The following NTRK2 variants were observed in gnomAD, a reference collection of about 807,000 sequenced individuals.
NTRK2 encodes the protein neurotrophic receptor tyrosine kinase 2, also known as BDNF/NT-3 growth factors receptor.
NTRK2 carries 13 observed loss-of-function variants against 94.5 expected under a neutral mutation model. The ratio of observed to expected loss-of-function variants is 0.14; its 90% confidence interval spans 0.09 to 0.22. The LOEUF is 0.22. Among genes scored for constraint, NTRK2 ranks in the 10% least tolerant of loss-of-function variants. The pLI, the probability that NTRK2 is intolerant of heterozygous loss-of-function variation, is 1.00. For missense variants in NTRK2, 639 were observed against 1,071.2 expected (o/e 0.60, Z 5.63); for synonymous variants, 372 against 407.4 (o/e 0.91, Z 1.05).
intron 17 of NTRK2, among the ~76,000 whole-genome samples, chr9:84,957,942 A>T (rs1049595047): frequency 6.6e-6 from 1 of 152,236 alleles, no homozygotes; most frequent in African/African-American, 2.4e-5. Context: ...TCATGCTGCA[A>T]CACAGATAAA....
chr9:85,008,472 G>A (rs1448193938), intron 17 of NTRK2, among the ~76,000 whole-genome samples: 3 of 151,582 alleles, frequency 2.0e-5, no homozygotes, highest in African/African-American at 7.2e-5. Flanking sequence ...GTGTTGAAAT[G>A]GACTGAAATA....
At chr9:84,967,293 C>T (rs984383247) in intron 17 of NTRK2, among the ~76,000 whole-genome samples, 1 of 152,220 alleles carries the variant, frequency 6.6e-6, no homozygotes, top group Non-Finnish European at 1.5e-5. Context: ...CCACAAGGAG[C>T]TGGGGCTCCC....
chr9:84,838,579 G>A lies in NTRK2; in HGVS notation c.1397-22461G>A, dbSNP rs184464733. ...TTTTATTTTCTTCTTTATACTTACC[G>A]CATTTTCCAAATTTTCTACAAAAAG... is the stretch of plus-strand genomic sequence containing the variant. On this transcript the variant is annotated intron_variant, in intron 12 of 18. Coordinates refer to ENST00000277120, the MANE Select transcript of NTRK2 (RefSeq NM_006180.6). 7.9e-5 allele frequency among the ~76,000 whole-genome samples: 12 copies of A among 151,938 alleles called. No homozygotes were observed. The East Asian group carries it at 1.7e-3, about 22-fold the overall frequency.
chr9:84,887,087 G>A (rs550874305), intron 14 of NTRK2, among the ~76,000 whole-genome samples: 13 of 152,272 alleles, frequency 8.5e-5, no homozygotes, highest in African/African-American at 2.9e-4. Context: ...CTTGGACTCC[G>A]TTCCCAAGAA....
chr9:84,812,722 G>A, intron 12 of NTRK2: 2 of 1,041,230 alleles, frequency 1.9e-6, no homozygotes, highest in Non-Finnish European at 2.3e-6. Context: ...AAAGGCTATG[G>A]ATTGTTTAAG....
At chr9:84,983,965 T>C (rs1827979910) in intron 17 of NTRK2, among the ~76,000 whole-genome samples, 1 of 152,210 alleles carries the variant, frequency 6.6e-6, no homozygotes, top group Non-Finnish European at 1.5e-5. Context: ...CATTTCAGTT[T>C]CAGTTTCCTC....
Position 84,723,473 on chromosome 9 carries a change from T to C in NTRK2, c.584-100T>C, listed in dbSNP as rs1168170341. 18 of 1,370,016 alleles carry C rather than the reference T, an allele frequency of 1.3e-5. No homozygotes were observed. The South Asian group carries it at 1.9e-4, about 15-fold the overall frequency. 84.9% of individuals were successfully genotyped at this position (1,370,016 alleles called of 1,614,324 possible). On this transcript the variant is annotated intron_variant, in intron 6 of 18. Coordinates refer to ENST00000277120, the MANE Select transcript of NTRK2 (RefSeq NM_006180.6). ...ATCAGTCTCAAAAAGCAATTAAAGATTGATTTTTAAAGCATAAACAGTTTT... is the reference window on the plus strand; with the variant it reads ...ATCAGTCTCAAAAAGCAATTAAAGACTGATTTTTAAAGCATAAACAGTTTT...
chr9:84,982,150 A>G (rs1346370950), intron 17 of NTRK2, among the ~76,000 whole-genome samples: 1 of 152,186 alleles, frequency 6.6e-6, no homozygotes, highest in Non-Finnish European at 1.5e-5. Context: ...TCAGTATTGA[A>G]TGTCAGTGTT....
At chr9:85,006,892 G>A (rs1228126952) in intron 17 of NTRK2, among the ~76,000 whole-genome samples, 1 of 152,190 alleles carries the variant, frequency 6.6e-6, no homozygotes, top group African/African-American at 2.4e-5. Context: ...CAAGGGGTAT[G>A]TGCCCGCAGC....
chr9:84,779,138 G>C (rs958617479), intron 12 of NTRK2, among the ~76,000 whole-genome samples: 1 of 152,130 alleles, frequency 6.6e-6, no homozygotes, highest in African/African-American at 2.4e-5. Flanking sequence ...TGGGCACATG[G>C]ACAAGAGTAA....
intron 6 of NTRK2, among the ~76,000 whole-genome samples, chr9:84,711,954 C>G (rs2061440210): frequency 6.6e-6 from 1 of 152,148 alleles, no homozygotes; most frequent in Non-Finnish European, 1.5e-5. Context: ...AATAAAAAAA[C>G]TTTTAATATG....
chr9:84,699,663 G>GT (rs34384973), intron 2 of NTRK2, among the ~76,000 whole-genome samples: 17,075 of 139,958 alleles, frequency 0.12, 1,163 homozygotes, highest in Middle Eastern at 0.17. Context: ...TTATGTGTGT[G>GT]TTTTTTTTTT....
At chr9:84,748,823 T>C (rs1312694899) in intron 11 of NTRK2, among the ~76,000 whole-genome samples, 3 of 152,224 alleles carry the variant, frequency 2.0e-5, no homozygotes, top group Admixed American at 2.0e-4. Flanking sequence ...AATAAAGATT[T>C]TTAAAAAACA....
At chr9:84,887,134 GA>G (rs959852727) in intron 14 of NTRK2, among the ~76,000 whole-genome samples, 8 of 151,824 alleles carry the variant, frequency 5.3e-5, no homozygotes, top group African/African-American at 1.7e-4. Flanking sequence ...TGGTTCATCC[GA>G]AAAAAAAGAA....
intron 14 of NTRK2, among the ~76,000 whole-genome samples, chr9:84,921,734 A>G (rs886672977): frequency 6.6e-6 from 1 of 152,234 alleles, no homozygotes; most frequent in Non-Finnish European, 1.5e-5. Context: ...AATTCTTGGG[A>G]GGAGATAAGA....
At chr9:84,747,993 G>A (rs1216944179) in intron 11 of NTRK2, among the ~76,000 whole-genome samples, 1 of 152,076 alleles carries the variant, frequency 6.6e-6, no homozygotes, top group Non-Finnish European at 1.5e-5. Flanking sequence ...ATCACAGGAG[G>A]GATCATTAGA....
chr9:84,777,423 A>G (rs2067156482), intron 12 of NTRK2, among the ~76,000 whole-genome samples: 1 of 152,202 alleles, frequency 6.6e-6, no homozygotes, highest in South Asian at 2.1e-4. Context: ...TTATCATGCA[A>G]AACAGTTAAT....
In NTRK2 at chr9:84,707,904, G is replaced by C. The variant is rs150692457; in HGVS notation, c.420G>C (p.Leu140Phe). The C allele has an allele frequency of 2.3e-4, 374 of 1,612,414 alleles. 1 individual carries two copies. In the African/African-American group the frequency reaches 4.3e-3, roughly 18 times the overall value. Residue 140 changes from leucine (L) to phenylalanine (F), a missense_variant, in exon 5 of 19, where the codon TTG becomes TTC. Physicochemically the swap from Leu to Phe is conservative, Grantham distance 22 (BLOSUM62 0). Coordinates refer to ENST00000277120, the MANE Select transcript of NTRK2 (RefSeq NM_006180.6). ...GGAAACATTTCCGTCACCTTGACTT[G>C]TCTGAACTGTAAGTAATGATTTTGT... ...LSRKHFRHLD[L>F]SELILVGNPF...
intron 12 of NTRK2, chr9:84,811,429 A>G (rs1341123030): frequency 9.4e-7 from 1 of 1,065,916 alleles, no homozygotes; most frequent in Non-Finnish European, 1.1e-6. Context: ...GAATATATGC[A>G]TATGGTGAAA....
Sources: gnomAD v4.1 joint callset for allele counts (sites outside exome capture counted in the v4.1 genomes callset) on GRCh38, gnomAD v4.1.1 for gene constraint, MANE v1.5 for transcripts, NCBI Gene and HGNC (gene_info 2026-07-23, HGNC 2026-07-21) for gene names.